UNC13B: variants seen among roughly 807,000 people sequenced by gnomAD.
The protein encoded by UNC13B is unc-13 homolog B, also known as protein unc-13 homolog B.
UNC13B carries 144 observed loss-of-function variants against 211.0 expected under a neutral mutation model. The ratio of observed to expected loss-of-function variants is 0.68; its 90% confidence interval spans 0.60 to 0.78. UNC13B has a LOEUF of 0.78. Among genes scored for constraint, UNC13B ranks in the 30% least tolerant of loss-of-function variants. The probability of loss-of-function intolerance (pLI) is 0.00; values close to 1 mark genes in which losing one functional copy is unlikely to be tolerated. For synonymous variants in UNC13B, 709 were observed against 725.8 expected (o/e 0.98, Z 0.37); for missense variants, 1,777 against 2,002.0 (o/e 0.89, Z 2.14).
chr9:35,399,321 C>T, intron 34 of UNC13B, 37 bp downstream of exon 34: 1 of 1,614,128 alleles, frequency 6.2e-7, no homozygotes, highest in Non-Finnish European at 8.5e-7. Context: ...CTGCTGTCTC[C>T]CTTCCCCTCA....
chr9:35,281,620 G>A (rs1188497538), intron 7 of UNC13B, among the ~76,000 whole-genome samples: 1 of 152,174 alleles, frequency 6.6e-6, no homozygotes, highest in East Asian at 1.9e-4. Context: ...AACAAAGTCT[G>A]TAGTTTACGT....
rs138319899 is a variant in UNC13B at position 35,396,906 on chromosome 9, G to T, written c.11501G>T (p.Arg3834Leu). 5 of 1,614,148 alleles carry T rather than the reference G, an allele frequency of 3.1e-6. No individual in the cohort carries two copies. The highest frequency in any genetic ancestry group is 4.2e-6 in the Non-Finnish European group (5 of 1,180,026). ...ENEDVSLEFL[R>L]GALERDKKDG... ...GAGGATGTATCCCTGGAATTCCTGC[G>T]TGGGGCCCTGGAACGAGATAAGAAG... is the stretch of plus-strand genomic sequence containing the variant. The change falls in exon 28 of 40, where the codon CGT (arginine) becomes CTT (leucine). Residue 3834 changes from arginine (R) to leucine (L), a missense_variant. By Grantham distance (102) the Arg-to-Leu change is moderately radical (BLOSUM62 -2). Transcript: ENST00000635942.
chr9:35,259,152 T>C, intron 7 of UNC13B, 102 bp downstream of exon 7: 1 of 1,201,306 alleles, frequency 8.3e-7, no homozygotes, highest in Non-Finnish European at 1.2e-6. Context: ...ATGTCATGTG[T>C]GTAAGCAGAA....
intron 1 of UNC13B, among the ~76,000 whole-genome samples, chr9:35,169,758 T>A (rs1428579277): frequency 6.6e-6 from 1 of 152,254 alleles, no homozygotes; most frequent in Non-Finnish European, 1.5e-5. Flanking sequence ...TAAACTGTTC[T>A]GTTCCTTATA....
intron 1 of UNC13B, among the ~76,000 whole-genome samples, chr9:35,169,603 C>T (rs943851159): frequency 1.3e-5 from 2 of 152,116 alleles, no homozygotes; most frequent in Admixed American, 6.6e-5. Flanking sequence ...GGGCTTCCAT[C>T]GATCGTGGTT....
chr9:35,322,974 G>A (rs1830815581), intron 11 of UNC13B, among the ~76,000 whole-genome samples: 1 of 151,594 alleles, frequency 6.6e-6, no homozygotes, highest in South Asian at 2.1e-4. Context: ...AGTAATAAAT[G>A]TAAAATATAA....
At chr9:35,354,104 G>A (rs1832885096) in intron 11 of UNC13B, among the ~76,000 whole-genome samples, 1 of 152,190 alleles carries the variant, frequency 6.6e-6, no homozygotes, top group Admixed American at 6.5e-5. Context: ...TTCAAAAGAG[G>A]GAGGAGCATC....
At position 35,233,965 on chromosome 9, in the gene UNC13B, C is replaced by G. The variant is rs1195941604; in HGVS notation, c.153-2504C>G. ...TATATACTCATTGTTTGGGCCTTCT[C>G]CCTAGAGAGTTCTCTGAAGAGCAGA... On this transcript the variant is annotated intron_variant, in intron 3 of 39. Transcript: ENST00000635942. Among the ~76,000 whole-genome samples the G allele has an allele frequency of 3.9e-5, 6 of 152,108 alleles. No homozygotes were observed. The East Asian group carries it at 1.2e-3, about 29-fold the overall frequency.
chr9:35,234,747 A>G (rs947217642), intron 3 of UNC13B, among the ~76,000 whole-genome samples: 6 of 152,172 alleles, frequency 3.9e-5, no homozygotes, highest in African/African-American at 1.4e-4. Context: ...AGTACATTCT[A>G]TGCTGTATTA....
intron 11 of UNC13B, among the ~76,000 whole-genome samples, chr9:35,332,272 G>A (rs1022320068): frequency 6.6e-6 from 1 of 152,226 alleles, no homozygotes. Context: ...TTTGTAAGCA[G>A]ATGTTCCCAA....
At chr9:35,336,506 T>C (rs2131990569) in intron 11 of UNC13B, among the ~76,000 whole-genome samples, 1 of 152,338 alleles carries the variant, frequency 6.6e-6, no homozygotes, top group Non-Finnish European at 1.5e-5. Context: ...TTATTTATTT[T>C]ATTTTTTCGA....
chr9:35,205,360 TA>T (rs894946671), intron 1 of UNC13B, among the ~76,000 whole-genome samples: 4 of 152,106 alleles, frequency 2.6e-5, no homozygotes, highest in African/African-American at 4.8e-5. Context: ...TGGTTTACTT[TA>T]AAAAAAATAG....
rs545581842 is a variant in UNC13B, at chr9:35,313,408, T to C, written c.9324-491T>C. Among the ~76,000 whole-genome samples the C allele has an allele frequency of 6.6e-5, 10 of 152,156 alleles. No homozygotes were observed. The South Asian group carries it at 2.1e-3, about 32-fold the overall frequency. ...GGGAGGCCGAGGTGAGCAGATTGCT[T>C]GTGCTCAGGAGTTCAAGACAAGCCT... On this transcript the variant is annotated intron_variant, in intron 10 of 39. Coordinates refer to ENST00000635942, the MANE Select transcript of UNC13B (RefSeq NM_001371189.2).
At position 35,301,631 on chromosome 9, in the gene UNC13B, T is replaced by C. The variant is rs1241573626; in HGVS notation, c.2227T>C (p.Ser743Pro). The part of the protein sequence containing the change: ...VTSEPSNLVS[S>P]ASKNDESLLE... ...CAGTGAACCTTCAAACTTAGTTAGT[T>C]CTGCAAGTAAAAATGATGAGAGTCT... is the stretch of plus-strand genomic sequence containing the variant. The change falls in exon 9 of 40, where the codon TCT becomes CCT. Residue 743 changes from serine (S) to proline (P), a missense_variant. Physicochemically the swap from Ser to Pro is moderately conservative, Grantham distance 74. Transcript: ENST00000635942. The C allele has an allele frequency of 5.0e-6, 2 of 398,860 alleles. No homozygotes were observed. The highest frequency in any genetic ancestry group is 6.3e-4 in the Middle Eastern group (1 of 1,588). 24.7% of individuals were successfully genotyped at this position (398,860 alleles called of 1,614,324 possible).
chr9:35,389,817 C>T (rs534763607), intron 24 of UNC13B, 29 bp from the exon 25 acceptor site: 3 of 1,611,280 alleles, frequency 1.9e-6, no homozygotes, highest in South Asian at 2.2e-5. Flanking sequence ...CTCTTTCTCC[C>T]TCTCTCTCAC....
In UNC13B at chr9:35,326,044, C is replaced by T. The variant is rs146047567; in HGVS notation, c.9414+12055C>T. Among the ~76,000 whole-genome samples, 12 of 152,236 alleles carry T rather than the reference C, an allele frequency of 7.9e-5. No individual in the cohort carries two copies. The East Asian group carries it at 1.9e-3, about 24-fold the overall frequency. ...AACGTTGTTTAACATTTTGAGAAACCGCCAGACTGTTTTTTAAAGTGGTTG... is the reference window on the plus strand; with the variant it reads ...AACGTTGTTTAACATTTTGAGAAACTGCCAGACTGTTTTTTAAAGTGGTTG... On this transcript the variant is annotated intron_variant, in intron 11 of 39. Coordinates refer to ENST00000635942, the MANE Select transcript of UNC13B (RefSeq NM_001371189.2).
intron 1 of UNC13B, among the ~76,000 whole-genome samples, chr9:35,184,807 G>C (rs1016383103): frequency 0.023 from 160 of 6,846 alleles, 2 homozygotes; most frequent in African/African-American, 0.051. Flanking sequence ...GAAGCGGGGG[G>C]GGGGGGGGAG....
At chr9:35,310,405 T>C (rs1430382593) in intron 9 of UNC13B, 62 bp from the exon 10 acceptor site, 3 of 1,536,688 alleles carry the variant, frequency 2.0e-6, no homozygotes, top group African/African-American at 2.7e-5. Flanking sequence ...GATGTCTCCT[T>C]TCTTTTGTCC....
At chr9:35,196,230 A>G (rs1048813555) in intron 1 of UNC13B, among the ~76,000 whole-genome samples, 1 of 152,116 alleles carries the variant, frequency 6.6e-6, no homozygotes, top group Non-Finnish European at 1.5e-5. Context: ...TGTATTTGGG[A>G]GGTGATACAC....
Sources: gnomAD v4.1 joint callset for allele counts (sites outside exome capture counted in the v4.1 genomes callset) on GRCh38, gnomAD v4.1.1 for gene constraint, MANE v1.5 for transcripts, NCBI Gene and HGNC (gene_info 2026-07-23, HGNC 2026-07-21) for gene names.